Variants in ZNF69 observed in about 807,000 individuals in gnomAD.
ZNF69 encodes the protein ZNF3.
A neutral mutation model predicts 50.9 loss-of-function variants in ZNF69; 47 were observed. The observed-to-expected ratio is 0.92, with a 90% CI of 0.73 to 1.18. The LOEUF (loss-of-function observed/expected upper bound fraction) is 1.18. Among genes scored for constraint, ZNF69 ranks in the 50% most tolerant of loss-of-function variants. The pLI is 0.00. For missense variants in ZNF69, 717 were observed against 675.1 expected (o/e 1.06, Z -0.69); for synonymous variants, 216 against 223.1 (o/e 0.97, Z 0.29).
the ZNF69 span, chr19:11,925,000 T>C: frequency 2.4e-3 from 1,239 of 506,068 alleles, 38 homozygotes; most frequent in Admixed American, 0.039. Context: ...ACCCAGGGCT[T>C]CAGCTGTCAC....
At chr19:11,900,542 G>A (rs1289963009) in intron 1 of ZNF69, among the ~76,000 whole-genome samples, 4 of 151,382 alleles carry the variant, frequency 2.6e-5, no homozygotes, top group African/African-American at 7.3e-5. Flanking sequence ...TACTAGAGAC[G>A]GGGTTTCACC....
chr19:11,925,505 G>T, the ZNF69 span, among the ~76,000 whole-genome samples: 2 of 152,128 alleles, frequency 1.3e-5, no homozygotes, highest in Non-Finnish European at 2.9e-5. Flanking sequence ...CGCGGCCCCT[G>T]CCCCGGAGCC....
chr19:11,958,722 G>A, the ZNF69 span, among the ~76,000 whole-genome samples: 3,544 of 152,256 alleles, frequency 0.023, 129 homozygotes, highest in African/African-American at 0.078. Context: ...TCCTAAGCTT[G>A]GGAATGTGTA....
chr19:11,959,965 T>G, the ZNF69 span, among the ~76,000 whole-genome samples: 1 of 152,154 alleles, frequency 6.6e-6, no homozygotes, highest in Non-Finnish European at 1.5e-5. Flanking sequence ...TTTTCCTATA[T>G]GATCTTTCAT....
chr19:11,961,861 C>T, the ZNF69 span: 2 of 152,088 alleles, frequency 1.3e-5, no homozygotes, highest in Admixed American at 6.6e-5. Context: ...AGGTGATCCA[C>T]CTGCCTCGGC....
At chr19:11,949,552 TGTA>T in the ZNF69 span, 1 of 1,610,700 alleles carries the variant, frequency 6.2e-7, no homozygotes, top group African/African-American at 1.3e-5. Context: ...ACCTTATAAA[TGTA>T]GTATATGTGA....
At chr19:11,919,847 G>GA in the ZNF69 span, among the ~76,000 whole-genome samples, 50 of 152,052 alleles carry the variant, frequency 3.3e-4, no homozygotes, top group Non-Finnish European at 5.3e-4. Flanking sequence ...AGAACTGTGA[G>GA]AAAAAAATTC....
chr19:11,935,118 G>T, the ZNF69 span, among the ~76,000 whole-genome samples: 4 of 142,142 alleles, frequency 2.8e-5, no homozygotes, highest in African/African-American at 8.6e-5. Flanking sequence ...GGAGCTTGCA[G>T]TGGGCCGAGA....
chr19:11,948,972 A>ATG, the ZNF69 span: 1 of 1,608,928 alleles, frequency 6.2e-7, no homozygotes, highest in South Asian at 1.1e-5. Context: ...AAGCATTTGC[A>ATG]TATACCAGTT....
intron 1 of ZNF69, among the ~76,000 whole-genome samples, chr19:11,894,333 G>A (rs771293663): frequency 1.2e-4 from 19 of 152,072 alleles, no homozygotes; most frequent in Non-Finnish European, 2.2e-4. Context: ...GTAGAGACAG[G>A]ATTTCACCAT....
At chr19:11,908,536 A>G (rs1302101430), downstream of ZNF69, among the ~76,000 whole-genome samples, 1 of 152,148 alleles carries the variant, frequency 6.6e-6, no homozygotes, top group African/African-American at 2.4e-5. Context: ...AACCACTCAA[A>G]TACATGGAAA....
chr19:11,913,192 G>A (rs550184239), intron 4 of ZNF69, among the ~76,000 whole-genome samples: 6 of 150,146 alleles, frequency 4.0e-5, no homozygotes, highest in Admixed American at 6.6e-5. Context: ...GTGAGGCTCC[G>A]TTTCAAAAAA....
chr19:11,894,222 T>G (rs906864849), intron 1 of ZNF69, among the ~76,000 whole-genome samples: 6 of 151,958 alleles, frequency 3.9e-5, no homozygotes, highest in Non-Finnish European at 7.4e-5. Context: ...CAGGCTGGAG[T>G]GCAGTGGCAC....
intron 1 of ZNF69, 85 bp downstream of exon 1, chr19:11,888,071 C>G (rs1976989931): frequency 7.2e-7 from 1 of 1,388,900 alleles, no homozygotes; most frequent in African/African-American, 1.5e-5. Context: ...CCCTGGCTTT[C>G]CTGCGGGCGA....
the ZNF69 span, chr19:11,976,920 T>TGA: frequency 6.5e-7 from 1 of 1,546,322 alleles, no homozygotes; most frequent in African/African-American, 1.4e-5. Flanking sequence ...GAAAGGGATG[T>TGA]GATGACCAAA....
At chr19:11,933,726 T>C in the ZNF69 span, among the ~76,000 whole-genome samples, 1 of 147,822 alleles carries the variant, frequency 6.8e-6, no homozygotes, top group Non-Finnish European at 1.5e-5. Context: ...TTTATTTTTA[T>C]TTATTTATCT....
At chr19:11,902,439 C>A (rs1972267358) in intron 1 of ZNF69, among the ~76,000 whole-genome samples, 1 of 152,072 alleles carries the variant, frequency 6.6e-6, no homozygotes, top group African/African-American at 2.4e-5. Context: ...GTGCTTATGA[C>A]ACCTGGGTAT....
chr19:11,941,594 G>A, the ZNF69 span, among the ~76,000 whole-genome samples: 6 of 152,292 alleles, frequency 3.9e-5, no homozygotes, highest in East Asian at 5.8e-4. Context: ...CTCCGAGTGC[G>A]GGGCCGCCAA....
chr19:11,950,454 C>T, the ZNF69 span: 2 of 714,398 alleles, frequency 2.8e-6, no homozygotes, highest in South Asian at 1.6e-5. Context: ...AAAGGACTCA[C>T]ACGGGAGAGA....
Sources: gnomAD v4.1 joint callset for allele counts (sites outside exome capture counted in the v4.1 genomes callset) on GRCh38, gnomAD v4.1.1 for gene constraint, MANE v1.5 for transcripts, NCBI Gene and HGNC (gene_info 2026-07-23, HGNC 2026-07-21) for gene names.